The following PPM1L variants were observed in gnomAD, a reference collection of about 807,000 sequenced individuals.
PPM1L encodes protein phosphatase, Mg2+/Mn2+ dependent 1L.
A neutral mutation model predicts 31.4 loss-of-function variants in PPM1L; 13 were observed. That is an observed-to-expected ratio of 0.41 (90% CI 0.27 to 0.66). The LOEUF (loss-of-function observed/expected upper bound fraction) is 0.66. PPM1L is among the 30% of genes least tolerant of loss of function. The probability of loss-of-function intolerance (pLI) is 0.29; values close to 1 mark genes in which losing one functional copy is unlikely to be tolerated. For synonymous variants in PPM1L, 184 were observed against 175.4 expected, an observed-to-expected ratio of 1.05 and a Z score of -0.39; for missense variants, 326 against 453.7, an observed-to-expected ratio of 0.72 and a Z score of 2.56.
intron 2 of PPM1L, among the ~76,000 whole-genome samples, chr3:161,034,675 C>T (rs927465107): frequency 6.6e-6 from 1 of 150,762 alleles, no homozygotes. Flanking sequence ...GGGACCATCA[C>T]ACACTGGGGC....
intron 2 of PPM1L, among the ~76,000 whole-genome samples, chr3:161,046,424 C>A (rs1352928666): frequency 1.3e-5 from 2 of 151,948 alleles, no homozygotes; most frequent in Non-Finnish European, 2.9e-5. Flanking sequence ...CAATAACAGG[C>A]TCTGAAATTG....
At chr3:160,979,991 G>A (rs552789996) in intron 2 of PPM1L, among the ~76,000 whole-genome samples, 1 of 152,166 alleles carries the variant, frequency 6.6e-6, no homozygotes, top group African/African-American at 2.4e-5. Context: ...TGGACACCAG[G>A]GCTTCTACCA....
intron 2 of PPM1L, among the ~76,000 whole-genome samples, chr3:160,988,828 G>A (rs1055922800): frequency 2.0e-5 from 3 of 152,134 alleles, no homozygotes; most frequent in African/African-American, 4.8e-5. Flanking sequence ...AACAGAAGAT[G>A]TCTGTACAAT....
At chr3:160,784,269 A>C (rs1711835288) in intron 1 of PPM1L, among the ~76,000 whole-genome samples, 1 of 152,214 alleles carries the variant, frequency 6.6e-6, no homozygotes, top group East Asian at 1.9e-4. Context: ...AAATGGTTTA[A>C]TACTGTTCTA....
At chr3:160,945,116 T>TATATAA (rs1399407509) in intron 1 of PPM1L, among the ~76,000 whole-genome samples, 284 of 11,496 alleles carry the variant, frequency 0.025, 2 homozygotes, top group African/African-American at 0.049. Context: ...ATATATGTTA[T>TATATAA]CTATCTATCT....
At chr3:160,921,408 A>T (rs1343141214) in intron 1 of PPM1L, among the ~76,000 whole-genome samples, 1 of 152,214 alleles carries the variant, frequency 6.6e-6, no homozygotes, top group East Asian at 1.9e-4. Context: ...TTTACTTTTT[A>T]AAAACTACTT....
At chr3:161,038,224 A>C (rs1371483136) in intron 2 of PPM1L, among the ~76,000 whole-genome samples, 3 of 109,460 alleles carry the variant, frequency 2.7e-5, no homozygotes, top group Non-Finnish European at 5.1e-5. Context: ...ACAGAGCGAG[A>C]CTCCGTCTCA....
intron 1 of PPM1L, among the ~76,000 whole-genome samples, chr3:160,901,133 C>T (rs985686271): frequency 6.6e-6 from 1 of 152,026 alleles, no homozygotes; most frequent in Non-Finnish European, 1.5e-5. Flanking sequence ...CATCTAGGTT[C>T]GTGGCTTTGC....
At chr3:161,004,268 C>T (rs1376069042) in intron 2 of PPM1L, among the ~76,000 whole-genome samples, 1 of 142,368 alleles carries the variant, frequency 7.0e-6, no homozygotes, top group Non-Finnish European at 1.5e-5. Context: ...ATTTTTGCAT[C>T]AATGTTCATC....
chr3:160,808,383 CTGTGTGTGTGTG>C (rs71912617), intron 1 of PPM1L, among the ~76,000 whole-genome samples: 8 of 110,366 alleles, frequency 7.2e-5, no homozygotes, highest in Admixed American at 1.7e-4. Context: ...CAGGATTTTC[CTGTGTGTGTGTG>C]TGTGTGTGTG....
At chr3:160,876,132 T>G (rs1712501795) in intron 1 of PPM1L, among the ~76,000 whole-genome samples, 1 of 152,216 alleles carries the variant, frequency 6.6e-6, no homozygotes. Flanking sequence ...TTGTAGGAAG[T>G]GTACAGGTTG....
At position 161,010,145 on chromosome 3, in the gene PPM1L, C is replaced by T. The variant is rs112056721; in HGVS notation, c.574+48235C>T. Among the ~76,000 whole-genome samples the T allele has an allele frequency of 3.8e-4, 58 of 151,966 alleles. 1 individual carries two copies. Among genetic ancestry groups the T allele is most frequent in the East Asian group, 2.3e-3 (12 of 5,162 alleles). On this transcript the variant is annotated intron_variant, in intron 2 of 3. Transcript: ENST00000498165. ...ATTAGGTATATCTCATAATGCTATC[C>T]CTCCTCCTCCCCCCACCCCATGACA...
rs1459102143 is a variant in PPM1L at position 161,078,769 on chromosome 3, G to A, written c.*9612G>A. ...TTGGGTCGCTTTGATGGGTGCTCGGGTAGAATTAGCCTTGTAGAGACTAAT... is the reference window on the plus strand; with the variant it reads ...TTGGGTCGCTTTGATGGGTGCTCGGATAGAATTAGCCTTGTAGAGACTAAT... On this transcript the variant is annotated 3_prime_UTR_variant, in exon 4 of 4. Transcript: ENST00000498165. The A allele has an allele frequency of 1.3e-5, 2 of 152,196 alleles. No homozygotes were observed. Among genetic ancestry groups the A allele is most frequent in the African/African-American group, 2.4e-5 (1 of 41,444 alleles). The allele number at this position is 152,196 out of a possible 1,614,324, so 9.4% of individuals were successfully genotyped here.
In PPM1L at chr3:161,075,291, G is replaced by A. The variant is rs1389287589; in HGVS notation, c.*6134G>A. On this transcript the variant is annotated 3_prime_UTR_variant, in exon 4 of 4. Transcript: ENST00000498165. The stretch of plus-strand genomic sequence containing the variant: ...AAGTATCAGGGAAAAACCCCTTTAG[G>A]ATACCCAGACATTAAAAATGTAAAA... The A allele has an allele frequency of 6.6e-6, 1 of 152,102 alleles. No homozygotes were observed. The highest frequency in any genetic ancestry group is 1.5e-5 in the Non-Finnish European group (1 of 68,028). The allele number at this position is 152,102 out of a possible 1,614,324, so 9.4% of individuals were successfully genotyped here.
intron 1 of PPM1L, among the ~76,000 whole-genome samples, chr3:160,795,095 G>A (rs926926646): frequency 1.3e-5 from 2 of 152,142 alleles, no homozygotes; most frequent in African/African-American, 4.8e-5. Flanking sequence ...AGGAAGAAAT[G>A]TTACTTAAGG....
intron 1 of PPM1L, among the ~76,000 whole-genome samples, chr3:160,834,192 T>G (rs889253111): frequency 3.8e-4 from 57 of 151,886 alleles, no homozygotes; most frequent in African/African-American, 1.4e-3. Context: ...CCCAGATAAT[T>G]TTTTGTATTT....
intron 1 of PPM1L, among the ~76,000 whole-genome samples, chr3:160,848,295 A>G (rs556102507): frequency 1.3e-5 from 2 of 152,284 alleles, no homozygotes; most frequent in African/African-American, 4.8e-5. Context: ...AGTACATCCC[A>G]GTAAGACTTC....
rs115197798 is a variant in PPM1L, at chr3:160,921,209, T to C, written c.400-40527T>C. On this transcript the variant is annotated intron_variant, in intron 1 of 3. Transcript: ENST00000498165. ...TAACTGTGGAGCCTGCAGTTACCCT[T>C]TTAAATCACTAGATGACGCTTCGGC... 4.6e-3 allele frequency among the ~76,000 whole-genome samples: 706 copies of C among 152,320 alleles called. 6 individuals are homozygous for C. The highest frequency in any genetic ancestry group is 0.016 in the African/African-American group (663 of 41,562).
intron 1 of PPM1L, among the ~76,000 whole-genome samples, chr3:160,873,425 T>C (rs901512117): frequency 2.0e-5 from 3 of 152,220 alleles, no homozygotes; most frequent in South Asian, 2.1e-4. Context: ...AGGTAGACTA[T>C]GGAATATTAC....
Sources: allele counts gnomAD v4.1 joint callset (sites outside exome capture counted in the v4.1 genomes callset), GRCh38; gene constraint gnomAD v4.1.1; transcripts MANE v1.5; gene names NCBI Gene and HGNC (gene_info 2026-07-23, HGNC 2026-07-21).